ATRN: variants seen among roughly 807,000 people sequenced by gnomAD.
ATRN encodes the protein attractin-2.
In ATRN, 54 loss-of-function variants were observed where a neutral mutation model predicts 178.7. That is an observed-to-expected ratio of 0.30 (90% CI 0.24 to 0.38). The LOEUF (loss-of-function observed/expected upper bound fraction) is 0.38. Among genes scored for constraint, ATRN ranks in the 10% least tolerant of loss-of-function variants. The pLI, the probability that ATRN is intolerant of heterozygous loss-of-function variation, is 1.00. For missense variants in ATRN, 1,443 were observed against 1,815.1 expected, an observed-to-expected ratio of 0.79 and a Z score of 3.73; for synonymous variants, 636 against 663.0, an observed-to-expected ratio of 0.96 and a Z score of 0.63.
At chr20:3,612,313 G>A (rs1344715657) in intron 24 of ATRN, among the ~76,000 whole-genome samples, 3 of 152,162 alleles carry the variant, frequency 2.0e-5, no homozygotes, top group Non-Finnish European at 2.9e-5. Flanking sequence ...ATTTGAAAAT[G>A]AAAATTTTAG....
chr20:3,504,139 G>A (rs1323483398), intron 1 of ATRN, among the ~76,000 whole-genome samples: 3 of 152,094 alleles, frequency 2.0e-5, no homozygotes, highest in East Asian at 1.9e-4. Context: ...TTTCAAGTGC[G>A]GAAATAAAAG....
At chr20:3,569,794 G>A (rs1384028117) in intron 11 of ATRN, among the ~76,000 whole-genome samples, 2 of 152,170 alleles carry the variant, frequency 1.3e-5, no homozygotes, top group African/African-American at 4.8e-5. Flanking sequence ...CTTTAAGCCA[G>A]GGGTGGTGGC....
chr20:3,569,499 A>G (rs772413037), intron 11 of ATRN, among the ~76,000 whole-genome samples: 2 of 152,226 alleles, frequency 1.3e-5, no homozygotes, highest in Non-Finnish European at 2.9e-5. Context: ...AGCATACAGG[A>G]CTGGAAATTG....
chr20:3,588,981 G>GTTTC (rs745664133), intron 18 of ATRN, among the ~76,000 whole-genome samples: 1 of 99,774 alleles, frequency 1.0e-5, no homozygotes, highest in Non-Finnish European at 1.8e-5. Flanking sequence ...ATTTTCTTTT[G>GTTTC]TTTTTTTTTT....
At chr20:3,526,627 A>C (rs925316829) in intron 1 of ATRN, among the ~76,000 whole-genome samples, 6 of 152,204 alleles carry the variant, frequency 3.9e-5, no homozygotes, top group African/African-American at 1.4e-4. Flanking sequence ...CATATAACCA[A>C]GACAGCCCCA....
chr20:3,559,277 C>A (rs1209616714), intron 6 of ATRN, 116 bp from the exon 7 acceptor site: 5 of 775,304 alleles, frequency 6.4e-6, no homozygotes, highest in East Asian at 5.2e-5. Flanking sequence ...CAAGTGCCCC[C>A]CTACATCCAT....
intron 1 of ATRN, among the ~76,000 whole-genome samples, chr20:3,507,181 T>C (rs1568694420): frequency 6.6e-6 from 1 of 150,666 alleles, no homozygotes; most frequent in Non-Finnish European, 1.5e-5. Flanking sequence ...CCGAGGTGGG[T>C]GGATCATGAG....
At chr20:3,502,466 C>A (rs1298377598) in intron 1 of ATRN, among the ~76,000 whole-genome samples, 1 of 152,130 alleles carries the variant, frequency 6.6e-6, no homozygotes, top group Admixed American at 6.5e-5. Flanking sequence ...CACCTAGACC[C>A]GGTGTTTCCT....
At chr20:3,524,234 CA>C (rs761056301) in intron 1 of ATRN, among the ~76,000 whole-genome samples, 16,573 of 96,158 alleles carry the variant, frequency 0.17, 1,429 homozygotes, top group African/African-American at 0.31. Flanking sequence ...AAATGGAAGC[CA>C]AAAAAAAAAA....
At chr20:3,501,717 G>C (rs571078585) in intron 1 of ATRN, among the ~76,000 whole-genome samples, 1 of 152,310 alleles carries the variant, frequency 6.6e-6, no homozygotes, top group East Asian at 1.9e-4. Context: ...GCCAACTTTT[G>C]GTACAGCTTT....
intron 1 of ATRN, among the ~76,000 whole-genome samples, chr20:3,527,711 C>CA (rs2085387564): frequency 6.6e-6 from 1 of 152,110 alleles, no homozygotes; most frequent in Admixed American, 6.5e-5. Flanking sequence ...GAAAATGTGG[C>CA]ACATATACAC....
intron 1 of ATRN, among the ~76,000 whole-genome samples, chr20:3,508,064 A>G (rs1374167880): frequency 6.6e-5 from 10 of 151,980 alleles, no homozygotes; most frequent in African/African-American, 9.7e-5. Context: ...CAAGCAAGAA[A>G]AAGGCTGGGC....
chr20:3,509,534 G>A (rs1305402107), intron 1 of ATRN, among the ~76,000 whole-genome samples: 3 of 144,672 alleles, frequency 2.1e-5, no homozygotes, highest in Non-Finnish European at 4.5e-5. Flanking sequence ...GTCTTGCTCT[G>A]TCGCCCAGGC....
At chr20:3,481,545 T>C (rs986396803) in intron 1 of ATRN, among the ~76,000 whole-genome samples, 4 of 152,090 alleles carry the variant, frequency 2.6e-5, no homozygotes, top group Non-Finnish European at 5.9e-5. Flanking sequence ...GAGGTCTCAC[T>C]ATGTCGCCCA....
At chr20:3,627,777 GAAGT>G (rs2086954339) in intron 25 of ATRN, among the ~76,000 whole-genome samples, 1 of 152,220 alleles carries the variant, frequency 6.6e-6, no homozygotes, top group African/African-American at 2.4e-5. Flanking sequence ...TGACACAGAA[GAAGT>G]AAGGAGCCTG....
intron 26 of ATRN, among the ~76,000 whole-genome samples, chr20:3,635,316 T>C (rs2087017309): frequency 6.6e-6 from 1 of 151,668 alleles, no homozygotes; most frequent in Non-Finnish European, 1.5e-5. Context: ...TGAAAGAACT[T>C]ATTCATGTAA....
chr20:3,636,520 A>G (rs967782547), intron 26 of ATRN, among the ~76,000 whole-genome samples: 12 of 152,244 alleles, frequency 7.9e-5, no homozygotes, highest in Admixed American at 7.9e-4. Flanking sequence ...GATAACCAGC[A>G]TCACTCATGA....
At chr20:3,546,881 T>G (rs2085711333) in intron 4 of ATRN, among the ~76,000 whole-genome samples, 1 of 152,144 alleles carries the variant, frequency 6.6e-6, no homozygotes, top group Non-Finnish European at 1.5e-5. Flanking sequence ...GCAGTTTGTT[T>G]TATTCTTTTC....
At chr20:3,589,435 T>G in intron 18 of ATRN, among the ~76,000 whole-genome samples, 1 of 134,940 alleles carries the variant, frequency 7.4e-6, no homozygotes, top group East Asian at 1.9e-4. Context: ...TTGTGAGGGT[T>G]TTTTTTTTTA....
Sources: allele counts gnomAD v4.1 joint callset (sites outside exome capture counted in the v4.1 genomes callset), GRCh38; gene constraint gnomAD v4.1.1; transcripts MANE v1.5; gene names NCBI Gene and HGNC (gene_info 2026-07-23, HGNC 2026-07-21).